Variants in DCC observed in about 807,000 individuals in gnomAD.
The protein encoded by DCC is DCC netrin 1 receptor, also known as netrin receptor DCC.
DCC carries 58 observed loss-of-function variants against 172.5 expected under a neutral mutation model. That is an observed-to-expected ratio of 0.34 (90% CI 0.27 to 0.42). The LOEUF (loss-of-function observed/expected upper bound fraction) is 0.42. DCC is among the 10% of genes least tolerant of loss of function. The probability of loss-of-function intolerance (pLI) is 1.00; values close to 1 mark genes in which losing one functional copy is unlikely to be tolerated. For missense variants in DCC, 1,740 were observed against 1,791.0 expected (o/e 0.97, Z 0.51); for synonymous variants, 709 against 644.5 (o/e 1.10, Z -1.52).
chr18:53,243,678 A>G (rs1411839429), intron 12 of DCC, among the ~76,000 whole-genome samples: 1 of 152,098 alleles, frequency 6.6e-6, no homozygotes. Flanking sequence ...ACGCTTGGAA[A>G]CTATCATCAG....
intron 21 of DCC, among the ~76,000 whole-genome samples, chr18:53,432,587 A>C (rs1911686819): frequency 6.6e-6 from 1 of 152,132 alleles, no homozygotes; most frequent in African/African-American, 2.4e-5. Flanking sequence ...AAACACATCC[A>C]ATATTTGTTC....
chr18:53,273,745 T>TA (rs1404277717), intron 12 of DCC, among the ~76,000 whole-genome samples: 3 of 151,592 alleles, frequency 2.0e-5, no homozygotes, highest in African/African-American at 7.3e-5. Context: ...TTTTTTTTTT[T>TA]ACCCCAGTTA....
intron 13 of DCC, among the ~76,000 whole-genome samples, chr18:53,317,959 G>GT (rs1469877089): frequency 2.6e-5 from 4 of 151,916 alleles, no homozygotes; most frequent in South Asian, 2.1e-4. Flanking sequence ...TTTTTGAAGG[G>GT]TTTTTTGTGT....
At chr18:53,270,102 A>G (rs759909796) in intron 12 of DCC, among the ~76,000 whole-genome samples, 3 of 152,178 alleles carry the variant, frequency 2.0e-5, no homozygotes, top group Non-Finnish European at 4.4e-5. Flanking sequence ...AATTTGTAGT[A>G]GACAACCTCT....
intron 1 of DCC, among the ~76,000 whole-genome samples, chr18:52,652,871 G>A (rs988326432): frequency 2.0e-5 from 3 of 152,002 alleles, no homozygotes; most frequent in Admixed American, 2.0e-4. Flanking sequence ...TCGTGGGTCT[G>A]GAATACACAA....
intron 12 of DCC, among the ~76,000 whole-genome samples, chr18:53,233,247 A>G (rs927751135): frequency 6.6e-6 from 1 of 152,184 alleles, no homozygotes; most frequent in Non-Finnish European, 1.5e-5. Context: ...TCATCATACC[A>G]GTTATTAATC....
chr18:53,436,918 T>G (rs180881022), intron 22 of DCC, among the ~76,000 whole-genome samples: 59 of 152,260 alleles, frequency 3.9e-4, no homozygotes, highest in African/African-American at 1.4e-3. Context: ...TCCAGCTGTG[T>G]TCTCCCATGG....
intron 1 of DCC, among the ~76,000 whole-genome samples, chr18:52,530,453 C>T (rs1193281460): frequency 1.3e-5 from 2 of 152,162 alleles, no homozygotes; most frequent in African/African-American, 4.8e-5. Context: ...AGTTACTAAA[C>T]ATTTCTTAGG....
intron 25 of DCC, among the ~76,000 whole-genome samples, chr18:53,481,632 C>A (rs2045833006): frequency 6.6e-6 from 1 of 152,168 alleles, no homozygotes; most frequent in African/African-American, 2.4e-5. Context: ...TTTCGACATA[C>A]CATTATCTTT....
At chr18:52,449,730 G>A (rs1988241411) in intron 1 of DCC, among the ~76,000 whole-genome samples, 1 of 152,142 alleles carries the variant, frequency 6.6e-6, no homozygotes, top group African/African-American at 2.4e-5. Context: ...ATGTGTCATG[G>A]GAGGGACCTG....
chr18:53,052,894 G>C (rs2042352554), intron 5 of DCC, among the ~76,000 whole-genome samples: 1 of 152,064 alleles, frequency 6.6e-6, no homozygotes, highest in Non-Finnish European at 1.5e-5. Flanking sequence ...CCTAATCCCA[G>C]CACTTTGGGA....
At chr18:53,209,512 G>A (rs1044691030) in intron 11 of DCC, among the ~76,000 whole-genome samples, 8 of 152,146 alleles carry the variant, frequency 5.3e-5, no homozygotes, top group Non-Finnish European at 1.2e-4. Flanking sequence ...TTCTGGGAAA[G>A]TACCTGGGTG....
chr18:53,004,456 C>T (rs897948429), intron 5 of DCC, among the ~76,000 whole-genome samples: 2 of 152,126 alleles, frequency 1.3e-5, no homozygotes, highest in African/African-American at 4.8e-5. Flanking sequence ...TCACAGTTAT[C>T]CTGTGAAAAC....
chr18:52,779,719 G>A (rs2037499104), intron 2 of DCC, among the ~76,000 whole-genome samples: 1 of 152,132 alleles, frequency 6.6e-6, no homozygotes, highest in Non-Finnish European at 1.5e-5. Flanking sequence ...GATCCTTGAG[G>A]AATCACCACA....
intron 5 of DCC, among the ~76,000 whole-genome samples, chr18:53,003,038 G>A (rs1239913549): frequency 2.6e-5 from 4 of 152,168 alleles, no homozygotes; most frequent in Admixed American, 6.6e-5. Context: ...AGGAGCCAAG[G>A]GTACATAGCT....
At chr18:52,564,184 A>C (rs1162498472) in intron 1 of DCC, among the ~76,000 whole-genome samples, 1 of 152,108 alleles carries the variant, frequency 6.6e-6, no homozygotes, top group Non-Finnish European at 1.5e-5. Context: ...CAAAGGATTC[A>C]GGGTTCCAAA....
chr18:53,035,647 G>A (rs768311491), intron 5 of DCC, among the ~76,000 whole-genome samples: 21 of 152,118 alleles, frequency 1.4e-4, no homozygotes, highest in Admixed American at 2.6e-4. Flanking sequence ...TAGCAGCGTA[G>A]GGAAAACTTG....
intron 7 of DCC, among the ~76,000 whole-genome samples, chr18:53,075,339 G>A (rs181097549): frequency 2.6e-5 from 4 of 152,232 alleles, no homozygotes; most frequent in Non-Finnish European, 2.9e-5. Flanking sequence ...CATTCAGCAC[G>A]TGCTTCAGGT....
chr18:53,130,202 G>C (rs1435705016), intron 7 of DCC, among the ~76,000 whole-genome samples: 1 of 152,020 alleles, frequency 6.6e-6, no homozygotes, highest in African/African-American at 2.4e-5. Context: ...GTGTTAGTAG[G>C]CAACATTACT....
Sources: gnomAD v4.1 joint callset for allele counts (sites outside exome capture counted in the v4.1 genomes callset) on GRCh38, gnomAD v4.1.1 for gene constraint, MANE v1.5 for transcripts, NCBI Gene and HGNC (gene_info 2026-07-23, HGNC 2026-07-21) for gene names.